NT5DC4: variants seen among roughly 807,000 people sequenced by gnomAD.
NT5DC4 encodes 5'-nucleotidase domain containing 4, also known as 5'-nucleotidase domain-containing protein 4.
Under a neutral mutation model 26.6 loss-of-function variants are expected in NT5DC4, and 44 were observed. That is an observed-to-expected ratio of 1.65 (90% CI 1.30 to 2.13). NT5DC4 has a LOEUF of 2.13. Ranked by LOEUF, NT5DC4 falls within the 30% of genes most tolerant of loss-of-function variation. NT5DC4 has a pLI of 0.00. For missense variants in NT5DC4, 399 were observed against 228.1 expected (o/e 1.75, Z -4.83); for synonymous variants, 157 against 86.7 (o/e 1.81, Z -4.51).
chr2:112,720,135 G>A (rs1056136796), upstream of NT5DC4, among the ~76,000 whole-genome samples: 4 of 150,468 alleles, frequency 2.7e-5, no homozygotes, highest in African/African-American at 9.8e-5. Context: ...CCAACCCCTG[G>A]GTTCAAGCAA....
chr2:112,732,024 G>A (rs1405444294), intron 16 of NT5DC4, among the ~76,000 whole-genome samples: 1 of 145,650 alleles, frequency 6.9e-6, no homozygotes, highest in Admixed American at 7.2e-5. Flanking sequence ...CAATTCTTCT[G>A]CCTCAACCTC....
In NT5DC4 at chr2:112,724,333, G is replaced by C. The variant is rs1038817101; in HGVS notation, c.789+207G>C. On this transcript the variant is annotated intron_variant, in intron 10 of 16. Transcript: ENST00000688554. The stretch of plus-strand genomic sequence containing the variant: ...CAGCCAGGCCCTGGGAGGAGCCTTT[G>C]GGGGTGATAGGAGGCAGTCAGGTAT... The C allele has an allele frequency of 9.8e-6, 6 of 610,230 alleles. No individual in the cohort carries two copies. The Admixed American group carries it at 1.1e-4, about 11-fold the overall frequency. 37.8% of individuals were successfully genotyped at this position (610,230 alleles called of 1,614,324 possible).
At chr2:112,736,082 G>T (rs1369038562) in intron 16 of NT5DC4, among the ~76,000 whole-genome samples, 1 of 151,998 alleles carries the variant, frequency 6.6e-6, no homozygotes. Context: ...AGCAAAGATG[G>T]ACCACTCTAG....
chr2:112,729,534 C>T (rs1678215674), intron 15 of NT5DC4, 93 bp from the exon 16 acceptor site: 2 of 692,318 alleles, frequency 2.9e-6, no homozygotes, highest in Middle Eastern at 2.3e-4. Context: ...AAGTTGGCAG[C>T]TGTGGGCAGG....
downstream of NT5DC4, among the ~76,000 whole-genome samples, chr2:112,740,433 T>G (rs1679840913): frequency 6.6e-6 from 1 of 152,240 alleles, no homozygotes; most frequent in Admixed American, 6.5e-5. Context: ...ATAAAACGTT[T>G]CTGACTTTAT....
chr2:112,736,492 T>C (rs993407327), intron 16 of NT5DC4: 3 of 152,228 alleles, frequency 2.0e-5, no homozygotes, highest in Admixed American at 6.5e-5. Context: ...GCAGCTAAAA[T>C]CTACTTATTT....
chr2:112,722,104 G>A lies in NT5DC4; in HGVS notation c.266+1G>A, dbSNP rs1676950685. The A allele has an allele frequency of 1.4e-6, 1 of 716,882 alleles. No homozygotes were observed. The highest frequency in any genetic ancestry group is 1.7e-5 in the African/African-American group (1 of 57,262). The allele number at this position is 716,882 out of a possible 1,614,324, so 44.4% of individuals were successfully genotyped here. ...CCTACGACCCCACCTTCCCCACCAG[G>A]TGTGTGGCTCAGGACAGGTGGGAGG... On this transcript the variant is annotated splice_donor_variant, in intron 3 of 16. Transcript: ENST00000688554. LOFTEE classifies it high-confidence loss of function.
In NT5DC4 at chr2:112,739,033, C is replaced by T. The variant is rs752114891; in HGVS notation, c.*97C>T. ...TGATAAATTTCATGTCTTGCACTTC[C>T]GGCATCCCATTTATTCTGAGAGACA... On this transcript the variant is annotated 3_prime_UTR_variant, in exon 17 of 17. Transcript: ENST00000688554. 2.0e-5 allele frequency: 33 copies of T among 1,613,712 alleles called. No individual in the cohort carries two copies. The highest frequency in any genetic ancestry group is 1.6e-4 in the Middle Eastern group (1 of 6,084).
At chr2:112,741,077 T>C, downstream of NT5DC4, 1 of 979,774 alleles carries the variant, frequency 1.0e-6, no homozygotes, top group Non-Finnish European at 1.6e-6. Context: ...GTCAATAACA[T>C]GAAAAATACA....
intron 16 of NT5DC4, chr2:112,738,255 A>G (rs1297698916): frequency 6.6e-6 from 1 of 152,488 alleles, no homozygotes; most frequent in Non-Finnish European, 1.5e-5. Flanking sequence ...GCATAGAAAA[A>G]ACAAGAATTC....
chr2:112,720,619 A>C (rs1396591263), upstream of NT5DC4, among the ~76,000 whole-genome samples: 1 of 152,218 alleles, frequency 6.6e-6, no homozygotes, highest in Non-Finnish European at 1.5e-5. Flanking sequence ...TGCTTCTAGC[A>C]ATGTCTTCTC....
At chr2:112,742,223 G>A (rs533522379), downstream of NT5DC4, among the ~76,000 whole-genome samples, 6 of 152,120 alleles carry the variant, frequency 3.9e-5, 1 homozygote, top group Middle Eastern at 3.4e-3. Context: ...AATGTCACTC[G>A]TGTTTGGCAC....
At chr2:112,726,124 C>A in intron 13 of NT5DC4, 114 bp from the exon 14 acceptor site, 1 of 686,654 alleles carries the variant, frequency 1.5e-6, no homozygotes, top group Non-Finnish European at 2.7e-6. Context: ...GGGTGTTATG[C>A]ACACAGCTCA....
Position 112,729,340 on chromosome 2 carries a change from T to G in NT5DC4, c.1267-287T>G, listed in dbSNP as rs539972539. Among the ~76,000 whole-genome samples the G allele has an allele frequency of 2.1e-4, 32 of 152,362 alleles. No homozygotes were observed. In the South Asian group the frequency reaches 6.6e-3, roughly 32 times the overall value. On this transcript the variant is annotated intron_variant, in intron 15 of 16. Transcript: ENST00000688554. ...TTTCACCATGTTGCCCAGGCTGGTCTTGAACCCCTGGGCTCAAGTGATCCG... is the reference window on the plus strand; with the variant it reads ...TTTCACCATGTTGCCCAGGCTGGTCGTGAACCCCTGGGCTCAAGTGATCCG...
chr2:112,739,918 T>G (rs1399514700), downstream of NT5DC4, among the ~76,000 whole-genome samples: 1 of 152,080 alleles, frequency 6.6e-6, no homozygotes, highest in Admixed American at 6.6e-5. Flanking sequence ...CCTACCAAAG[T>G]GACAGGATTA....
intron 16 of NT5DC4, chr2:112,737,423 TGTGAG>T (rs1277898571): frequency 2.6e-5 from 4 of 152,260 alleles, no homozygotes; most frequent in African/African-American, 9.6e-5. Context: ...TTCTTATAGA[TGTGAG>T]GTGATAGCTC....
chr2:112,735,488 C>G (rs537721292), intron 16 of NT5DC4, among the ~76,000 whole-genome samples: 19 of 121,700 alleles, frequency 1.6e-4, no homozygotes, highest in Non-Finnish European at 2.7e-4. Context: ...ATCCTCCCCC[C>G]CCTTTTTTTC....
intron 1 of NT5DC4, 194 bp downstream of exon 1, chr2:112,721,347 C>T (rs1390856643): frequency 1.8e-5 from 12 of 654,356 alleles, no homozygotes; most frequent in South Asian, 5.2e-5. Context: ...CACACTCCGG[C>T]GGGAGGTCCT....
intron 13 of NT5DC4, 72 bp from the exon 14 acceptor site, chr2:112,726,166 G>C (rs1324261969): frequency 2.8e-6 from 2 of 714,998 alleles, no homozygotes; most frequent in Non-Finnish European, 5.2e-6. Context: ...GGCCAGGGCA[G>C]ACACAGGCAG....
Sources: allele counts gnomAD v4.1 joint callset (sites outside exome capture counted in the v4.1 genomes callset), GRCh38; gene constraint gnomAD v4.1.1; transcripts MANE v1.5; gene names NCBI Gene and HGNC (gene_info 2026-07-23, HGNC 2026-07-21).